The following TMEM135 variants were observed in gnomAD, a reference collection of about 807,000 sequenced individuals.
The protein encoded by TMEM135 is transmembrane protein 135.
A neutral mutation model predicts 60.3 loss-of-function variants in TMEM135; 30 were observed. The ratio of observed to expected loss-of-function variants is 0.50; its 90% confidence interval spans 0.37 to 0.68. TMEM135 has a LOEUF of 0.68. TMEM135 is among the 30% of genes least tolerant of loss of function. The probability of loss-of-function intolerance (pLI) is 0.00; values close to 1 mark genes in which losing one functional copy is unlikely to be tolerated. For synonymous variants in TMEM135, 190 were observed against 186.7 expected (o/e 1.02, Z -0.14); for missense variants, 468 against 548.8 (o/e 0.85, Z 1.47).
intron 7 of TMEM135, among the ~76,000 whole-genome samples, chr11:87,299,422 G>A (rs1247448553): frequency 2.0e-5 from 3 of 152,112 alleles, no homozygotes; most frequent in Non-Finnish European, 2.9e-5. Flanking sequence ...CAGCATGGGG[G>A]AAACTGACCC....
chr11:87,239,457 A>C (rs1941082149), intron 6 of TMEM135, among the ~76,000 whole-genome samples: 1 of 152,068 alleles, frequency 6.6e-6, no homozygotes, highest in South Asian at 2.1e-4. Flanking sequence ...AACACTTGGC[A>C]GGTCCAATTG....
rs1457855755 is a variant in TMEM135, at chr11:87,321,699, T to C, written c.*366T>C. On this transcript the variant is annotated 3_prime_UTR_variant, in exon 15 of 15. Coordinates refer to ENST00000305494, the MANE Select transcript of TMEM135 (RefSeq NM_022918.4). ...CTTTAGTTCATTCCAATATAATTCT[T>C]GATTAAAATTAGGATTATTTCTACA... 2.2e-6 allele frequency: 1 copy of C among 464,632 alleles called. No individual in the cohort carries two copies. Among genetic ancestry groups the C allele is most frequent in the Non-Finnish European group, 4.3e-6 (1 of 234,044 alleles). 28.8% of individuals were successfully genotyped at this position (464,632 alleles called of 1,614,324 possible). A position where few individuals can be genotyped will look rare whatever the true frequency, so the allele number is the denominator to read the frequency against.
rs1383550178 is a variant in TMEM135, at chr11:87,324,741, T to C, written c.*3408T>C. On this transcript the variant is annotated 3_prime_UTR_variant, in exon 15 of 15. Transcript: ENST00000305494. ...CCACGGTACCTAGCCATATTTTTAT[T>C]TGTATGAGTATTAAGTAGTTTGACA... is the stretch of plus-strand genomic sequence containing the variant. 2.2e-6 allele frequency: 1 copy of C among 453,824 alleles called. No homozygotes were observed. The highest frequency in any genetic ancestry group is 2.0e-5 in the African/African-American group (1 of 49,944). The allele number at this position is 453,824 out of a possible 1,614,324, so 28.1% of individuals were successfully genotyped here. A position where few individuals can be genotyped will look rare whatever the true frequency, so the allele number is the denominator to read the frequency against.
chr11:87,255,787 G>A (rs1941516981), intron 6 of TMEM135, among the ~76,000 whole-genome samples: 2 of 152,186 alleles, frequency 1.3e-5, no homozygotes, highest in African/African-American at 2.4e-5. Context: ...AAGGTGAAGA[G>A]AAGGGAGGGT....
At chr11:87,091,454 A>G in intron 4 of TMEM135, 59 bp downstream of exon 4, 2 of 1,553,128 alleles carry the variant, frequency 1.3e-6, no homozygotes, top group Non-Finnish European at 1.8e-6. Flanking sequence ...TTTAAAATCA[A>G]GTTTTCTTAA....
Position 87,294,191 on chromosome 11 carries a change from C to T in TMEM135, c.510-1591C>T, listed in dbSNP as rs12365347. Among the ~76,000 whole-genome samples the T allele has an allele frequency of 5.9e-3, 898 of 152,206 alleles. 3 individuals are homozygous for T. The highest frequency in any genetic ancestry group is 0.011 in the Non-Finnish European group (716 of 68,006). ...GAAGTGTCTGTTTTCATATCCTTTG[C>T]CCACTTTTTGATGGGGTTGTTTTAA... is the stretch of plus-strand genomic sequence containing the variant. On this transcript the variant is annotated intron_variant, in intron 6 of 14. Transcript: ENST00000305494.
intron 5 of TMEM135, among the ~76,000 whole-genome samples, chr11:87,202,808 G>C (rs1281705566): frequency 1.0e-4 from 15 of 150,620 alleles, no homozygotes; most frequent in African/African-American, 3.4e-4. Context: ...CGAGGCGGGC[G>C]GATCATGAGG....
At chr11:87,130,456 T>C (rs923749466) in intron 4 of TMEM135, among the ~76,000 whole-genome samples, 1 of 152,174 alleles carries the variant, frequency 6.6e-6, no homozygotes, top group Non-Finnish European at 1.5e-5. Flanking sequence ...TTAGAAATCA[T>C]ATGACTAATT....
chr11:87,050,398 A>T (rs1221885209), intron 1 of TMEM135, among the ~76,000 whole-genome samples: 1 of 66,314 alleles, frequency 1.5e-5, no homozygotes, highest in African/African-American at 1.1e-4. Flanking sequence ...TGAAAGGATC[A>T]ACAAAATTGA....
intron 5 of TMEM135, among the ~76,000 whole-genome samples, chr11:87,204,474 A>C (rs984472428): frequency 6.6e-6 from 1 of 152,170 alleles, no homozygotes; most frequent in Non-Finnish European, 1.5e-5. Context: ...AAATTTGAGA[A>C]TAATTTTTGA....
intron 5 of TMEM135, among the ~76,000 whole-genome samples, chr11:87,163,901 T>C (rs577416500): frequency 8.8e-4 from 131 of 148,288 alleles, no homozygotes; most frequent in South Asian, 4.2e-3. Context: ...TTTTTTCTTG[T>C]AAATTTGTTT....
chr11:87,228,468 G>A (rs1940814387), intron 5 of TMEM135, among the ~76,000 whole-genome samples: 1 of 152,126 alleles, frequency 6.6e-6, no homozygotes, highest in African/African-American at 2.4e-5. Flanking sequence ...TACAGACGGC[G>A]CAAGAGGAAG....
chr11:87,309,214 A>C (rs533662160), intron 9 of TMEM135, among the ~76,000 whole-genome samples: 4 of 152,334 alleles, frequency 2.6e-5, no homozygotes, highest in African/African-American at 7.2e-5. Context: ...TATTGTCAAC[A>C]AAATGTCAAG....
chr11:87,295,376 C>T (rs1480391787), intron 6 of TMEM135, among the ~76,000 whole-genome samples: 9 of 152,138 alleles, frequency 5.9e-5, no homozygotes, highest in Admixed American at 1.3e-4. Context: ...ATAGGTAGGG[C>T]GAAGTCAGGA....
At chr11:87,150,098 T>A (rs116924768) in intron 4 of TMEM135, among the ~76,000 whole-genome samples, 2 of 151,478 alleles carry the variant, frequency 1.3e-5, no homozygotes, top group Non-Finnish European at 2.9e-5. Context: ...ATGCCTGTAA[T>A]TTGAGCTACT....
At chr11:87,092,901 A>G (rs956359575) in intron 4 of TMEM135, among the ~76,000 whole-genome samples, 2 of 97,420 alleles carry the variant, frequency 2.1e-5, no homozygotes, top group African/African-American at 8.8e-5. Context: ...TATTTTTGGC[A>G]TATTGGGTTT....
chr11:87,216,186 G>T (rs1565489341), intron 5 of TMEM135, among the ~76,000 whole-genome samples: 1 of 152,164 alleles, frequency 6.6e-6, no homozygotes, highest in Non-Finnish European at 1.5e-5. Flanking sequence ...TCTTGGAATG[G>T]ATCCCCTGCG....
chr11:87,256,401 A>G (rs766552328), intron 6 of TMEM135, among the ~76,000 whole-genome samples: 15 of 152,200 alleles, frequency 9.9e-5, no homozygotes, highest in African/African-American at 2.2e-4. Context: ...GCGGTTCGCT[A>G]TGAAAAGATG....
chr11:87,259,168 C>G (rs1476992151), intron 6 of TMEM135: 2 of 593,246 alleles, frequency 3.4e-6, no homozygotes, highest in South Asian at 3.5e-5. Context: ...AGCTTCTCCT[C>G]GTCGTCCTCC....
Sources: allele counts gnomAD v4.1 joint callset (sites outside exome capture counted in the v4.1 genomes callset), GRCh38; gene constraint gnomAD v4.1.1; transcripts MANE v1.5; gene names NCBI Gene and HGNC (gene_info 2026-07-23, HGNC 2026-07-21).